The following ASCC3 variants were observed in gnomAD, a reference collection of about 807,000 sequenced individuals.
The protein encoded by ASCC3 is ASC-1 complex subunit P200.
A neutral mutation model predicts 256.3 loss-of-function variants in ASCC3; 158 were observed. The observed-to-expected ratio is 0.62, with a 90% confidence interval of 0.54 to 0.70. The LOEUF is 0.70. Among genes scored for constraint, ASCC3 ranks in the 30% least tolerant of loss-of-function variants. ASCC3 has a pLI of 0.00. For synonymous variants in ASCC3, 948 were observed against 883.4 expected (o/e 1.07, Z -1.30); for missense variants, 2,259 against 2,626.0 (o/e 0.86, Z 3.05).
At chr6:100,533,373 T>C (rs1582402638) in intron 37 of ASCC3, among the ~76,000 whole-genome samples, 1 of 152,218 alleles carries the variant, frequency 6.6e-6, no homozygotes, top group Non-Finnish European at 1.5e-5. Context: ...ACAAAACTTT[T>C]ACTAGGGCTG....
At chr6:100,535,629 C>T (rs12190903) in intron 37 of ASCC3, among the ~76,000 whole-genome samples, 69,154 of 151,630 alleles carry the variant, frequency 0.46, 15,980 homozygotes, top group South Asian at 0.62. Context: ...CTACCACCCC[C>T]GGCTAATTCT....
chr6:100,687,543 T>A (rs1777640343), intron 13 of ASCC3, among the ~76,000 whole-genome samples: 1 of 151,932 alleles, frequency 6.6e-6, no homozygotes, highest in African/African-American at 2.4e-5. Context: ...TTTTTATAAT[T>A]AAATATATAA....
At chr6:100,572,509 A>G (rs528233565) in intron 36 of ASCC3, among the ~76,000 whole-genome samples, 5 of 152,306 alleles carry the variant, frequency 3.3e-5, no homozygotes, top group African/African-American at 9.6e-5. Context: ...ATAACAACCA[A>G]TGAAAAGGGA....
intron 8 of ASCC3, among the ~76,000 whole-genome samples, chr6:100,798,450 T>G (rs898136682): frequency 6.6e-6 from 1 of 151,942 alleles, no homozygotes; most frequent in African/African-American, 2.4e-5. Flanking sequence ...TCAGTTTGCA[T>G]AAGTTAAACC....
At chr6:100,523,205 A>G (rs908587903) in intron 37 of ASCC3, among the ~76,000 whole-genome samples, 1 of 151,886 alleles carries the variant, frequency 6.6e-6, no homozygotes, top group Admixed American at 6.6e-5. Flanking sequence ...TGGGCAAATC[A>G]CTTAACCACT....
At chr6:100,568,231 G>A (rs1770372772) in intron 36 of ASCC3, among the ~76,000 whole-genome samples, 1 of 151,944 alleles carries the variant, frequency 6.6e-6, no homozygotes, top group African/African-American at 2.4e-5. Context: ...AGCCAGGCAT[G>A]GTGGTGGGCG....
At chr6:100,855,073 C>A (rs960959155) in intron 3 of ASCC3, among the ~76,000 whole-genome samples, 20 of 151,304 alleles carry the variant, frequency 1.3e-4, no homozygotes, top group African/African-American at 4.6e-4. Context: ...TTAATGAAAA[C>A]TAATCTACTA....
chr6:100,609,054 G>A (rs1562163926), intron 30 of ASCC3, among the ~76,000 whole-genome samples: 2 of 151,248 alleles, frequency 1.3e-5, no homozygotes, highest in Middle Eastern at 3.4e-3. Flanking sequence ...GAGCCACCGC[G>A]CCTGGCCTGC....
chr6:100,666,590 C>T (rs533303816), intron 14 of ASCC3, among the ~76,000 whole-genome samples: 1 of 152,210 alleles, frequency 6.6e-6, no homozygotes, highest in Admixed American at 6.5e-5. Context: ...TGATGTTAAA[C>T]ATCTTCCATG....
At chr6:100,661,718 CAA>C in intron 16 of ASCC3, 86 bp downstream of exon 16, 1 of 1,398,728 alleles carries the variant, frequency 7.1e-7, no homozygotes, top group South Asian at 1.2e-5. Flanking sequence ...CTAAACACTA[CAA>C]AACAGCAACC....
intron 13 of ASCC3, among the ~76,000 whole-genome samples, chr6:100,684,255 T>C (rs1244931280): frequency 6.6e-6 from 1 of 152,138 alleles, no homozygotes; most frequent in African/African-American, 2.4e-5. Flanking sequence ...AGAACACAGA[T>C]AAAGAGTTAC....
intron 32 of ASCC3, among the ~76,000 whole-genome samples, 161 bp from the exon 33 acceptor site, chr6:100,605,861 C>T (rs1003072016): frequency 1.3e-5 from 2 of 151,874 alleles, no homozygotes; most frequent in Admixed American, 1.3e-4. Flanking sequence ...GTTGAGTTCC[C>T]TAAATTAATA....
intron 13 of ASCC3, among the ~76,000 whole-genome samples, chr6:100,701,414 T>C (rs956814996): frequency 4.6e-5 from 7 of 152,222 alleles, no homozygotes; most frequent in African/African-American, 1.4e-4. Flanking sequence ...CTCCTTGCCT[T>C]TTGCCATGAT....
intron 4 of ASCC3, among the ~76,000 whole-genome samples, chr6:100,816,453 G>A (rs1488003381): frequency 6.6e-6 from 1 of 152,030 alleles, no homozygotes; most frequent in African/African-American, 2.4e-5. Flanking sequence ...AAAGACACAT[G>A]CACACATATG....
At chr6:100,835,673 G>T (rs543421225) in intron 4 of ASCC3, among the ~76,000 whole-genome samples, 1 of 152,074 alleles carries the variant, frequency 6.6e-6, no homozygotes. Flanking sequence ...GATTATTAGA[G>T]TTCTGAAGTA....
At chr6:100,635,625 G>T (rs1774804748) in intron 25 of ASCC3, among the ~76,000 whole-genome samples, 1 of 151,998 alleles carries the variant, frequency 6.6e-6, no homozygotes. Flanking sequence ...GAAGTGATAG[G>T]TATGTTAATT....
chr6:100,530,862 TG>T, intron 37 of ASCC3: 2 of 1,277,774 alleles, frequency 1.6e-6, no homozygotes, highest in South Asian at 2.4e-5. Flanking sequence ...CTTAGACTTA[TG>T]GAATAAATTT....
intron 36 of ASCC3, among the ~76,000 whole-genome samples, chr6:100,568,752 A>AATTATTATTATTATT (rs111974347): frequency 2.1e-5 from 3 of 139,634 alleles, no homozygotes; most frequent in African/African-American, 8.1e-5. Context: ...CTTAGTCATA[A>AATTATTATTATTATT]ATTATTATTA....
At chr6:100,766,910 C>T (rs1454937328) in intron 9 of ASCC3, among the ~76,000 whole-genome samples, 1 of 152,150 alleles carries the variant, frequency 6.6e-6, no homozygotes, top group Admixed American at 6.5e-5. Context: ...GTTTACACAG[C>T]TACATCACTT....
Sources: allele counts gnomAD v4.1 joint callset (sites outside exome capture counted in the v4.1 genomes callset), GRCh38; gene constraint gnomAD v4.1.1; transcripts MANE v1.5; gene names NCBI Gene and HGNC (gene_info 2026-07-23, HGNC 2026-07-21).